Variants in KCNC2 observed in about 807,000 individuals in gnomAD.
KCNC2 encodes voltage-gated potassium channel KCNC2.
Under a neutral mutation model 44.5 loss-of-function variants are expected in KCNC2, and 21 were observed. The ratio of observed to expected loss-of-function variants is 0.47; its 90% CI spans 0.33 to 0.68. The LOEUF is 0.68. Among genes scored for constraint, KCNC2 ranks in the 30% least tolerant of loss-of-function variants. KCNC2 has a pLI of 0.01. For missense variants in KCNC2, 589 were observed against 826.2 expected (o/e 0.71, Z 3.52); for synonymous variants, 391 against 339.1 (o/e 1.15, Z -1.68).
chr12:75,080,693 A>C (rs1466797295), intron 2 of KCNC2, among the ~76,000 whole-genome samples: 1 of 152,112 alleles, frequency 6.6e-6, no homozygotes, highest in African/African-American at 2.4e-5. Flanking sequence ...TGGCCCCTTT[A>C]GCATACAGAA....
intron 2 of KCNC2, among the ~76,000 whole-genome samples, chr12:75,153,020 G>A (rs1433996097): frequency 6.6e-6 from 1 of 151,926 alleles, no homozygotes; most frequent in Non-Finnish European, 1.5e-5. Flanking sequence ...GGGAAAAGTG[G>A]CAACAATAAA....
intron 2 of KCNC2, among the ~76,000 whole-genome samples, chr12:75,141,687 T>C (rs1889664676): frequency 6.6e-6 from 1 of 152,166 alleles, no homozygotes; most frequent in Non-Finnish European, 1.5e-5. Context: ...GTTTGAGTAA[T>C]GTTGTGGCTA....
chr12:75,050,320 C>T (rs1881027814), intron 3 of KCNC2, 70 bp downstream of exon 3: 1 of 1,102,048 alleles, frequency 9.1e-7, no homozygotes, highest in Non-Finnish European at 1.3e-6. Context: ...ATGAGAATGA[C>T]TGCCTTCTGC....
chr12:75,098,461 A>G (rs1157109168), intron 2 of KCNC2, among the ~76,000 whole-genome samples: 2 of 152,142 alleles, frequency 1.3e-5, no homozygotes, highest in Admixed American at 6.6e-5. Flanking sequence ...TTGGTCTGGT[A>G]AAAGGAATTA....
chr12:75,140,423 A>G (rs2137399904), intron 2 of KCNC2, among the ~76,000 whole-genome samples: 1 of 152,298 alleles, frequency 6.6e-6, no homozygotes, highest in South Asian at 2.1e-4. Context: ...TAAATGGCAA[A>G]GAATCATACA....
intron 2 of KCNC2, among the ~76,000 whole-genome samples, chr12:75,203,252 T>C (rs1002748499): frequency 2.0e-5 from 3 of 151,836 alleles, no homozygotes; most frequent in Non-Finnish European, 3.0e-5. Flanking sequence ...TGTTTTGTTT[T>C]GTGGCTTGGC....
In KCNC2 at chr12:75,099,780, T is replaced by G. The variant is rs551932461; in HGVS notation, c.688-48463A>C. On this transcript the variant is annotated intron_variant, in intron 2 of 4. Coordinates refer to ENST00000549446, the MANE Select transcript of KCNC2 (RefSeq NM_139137.4). The stretch of plus-strand genomic sequence containing the variant: ...ATATATTCCAAAAAAGAAAGCCACA[T>G]TTCTATGACCTATACTATTTGTCAG... Among the ~76,000 whole-genome samples, 12 of 152,266 alleles carry G rather than the reference T, an allele frequency of 7.9e-5. 1 individual carries two copies. The South Asian group carries it at 2.5e-3, about 32-fold the overall frequency.
At chr12:75,199,384 C>T (rs939394315) in intron 2 of KCNC2, among the ~76,000 whole-genome samples, 8 of 151,810 alleles carry the variant, frequency 5.3e-5, no homozygotes, top group Admixed American at 5.3e-4. Flanking sequence ...ATGTTGGTAT[C>T]ATGATCAACT....
At chr12:75,094,454 A>C (rs1317882086) in intron 2 of KCNC2, among the ~76,000 whole-genome samples, 5 of 151,730 alleles carry the variant, frequency 3.3e-5, no homozygotes, top group African/African-American at 1.2e-4. Flanking sequence ...ACACAAGTAC[A>C]TCCATTCTCA....
chr12:75,120,717 T>C (rs1887989561), intron 2 of KCNC2, among the ~76,000 whole-genome samples: 1 of 152,218 alleles, frequency 6.6e-6, no homozygotes, highest in Admixed American at 6.5e-5. Flanking sequence ...AGGCAGTTGC[T>C]GGACCTTAGT....
rs1253046226 is a variant in KCNC2, at chr12:75,048,300, T to C, written c.1633A>G (p.Ser545Gly). ...HNRSVLSGDD[S>G]TGSEPPLSPP... ...GATAGTGGCGGCTCACTTCCTGTACTGTCGTCACCTGATAACACTGGTCAC... is the reference window on the plus strand; with the variant it reads ...GATAGTGGCGGCTCACTTCCTGTACCGTCGTCACCTGATAACACTGGTCAC... The change falls in exon 4 of 5, where the codon AGT becomes GGT. Residue 545 changes from serine to glycine, a missense_variant. Ser to Gly is a moderately conservative substitution (Grantham distance 56). Coordinates refer to ENST00000549446, the MANE Select transcript of KCNC2 (RefSeq NM_139137.4). The C allele has an allele frequency of 6.2e-7, 1 of 1,611,596 alleles. No homozygotes were observed. The highest frequency in any genetic ancestry group is 1.1e-5 in the South Asian group (1 of 90,818).
chr12:75,118,051 G>T (rs1887800940), intron 2 of KCNC2, among the ~76,000 whole-genome samples: 1 of 152,116 alleles, frequency 6.6e-6, no homozygotes, highest in Admixed American at 6.5e-5. Flanking sequence ...CTTCATTTTT[G>T]TAACTCAGTC....
chr12:75,078,943 C>T (rs1884238362), intron 2 of KCNC2, among the ~76,000 whole-genome samples: 1 of 152,056 alleles, frequency 6.6e-6, no homozygotes, highest in African/African-American at 2.4e-5. Context: ...TCTAGCTGTA[C>T]CTGACTTTAA....
chr12:75,137,580 G>T (rs1035484553), intron 2 of KCNC2, among the ~76,000 whole-genome samples: 5 of 151,942 alleles, frequency 3.3e-5, no homozygotes, highest in Non-Finnish European at 5.9e-5. Context: ...TTAATATTTT[G>T]CCCCAAAATA....
rs539775215 is a variant in KCNC2 at position 75,075,828 on chromosome 12, G to T, written c.688-24511C>A. ...TCTTTTCAAGATATTGTTTTACAAT[G>T]CCTCCTTTAGAATGGACCTGAATAA... On this transcript the variant is annotated intron_variant, in intron 2 of 4. Transcript: ENST00000549446. Among the ~76,000 whole-genome samples, 16 of 152,114 alleles carry T rather than the reference G, an allele frequency of 1.1e-4. 1 individual carries two copies. In the South Asian group the frequency reaches 2.9e-3, roughly 28 times the overall value.
chr12:75,185,804 G>A (rs769236241), intron 2 of KCNC2, among the ~76,000 whole-genome samples: 1 of 151,958 alleles, frequency 6.6e-6, no homozygotes, highest in Non-Finnish European at 1.5e-5. Flanking sequence ...CCAGGATTTG[G>A]GGTGGCTGAG....
intron 2 of KCNC2, among the ~76,000 whole-genome samples, chr12:75,074,459 A>C (rs1367021858): frequency 6.6e-6 from 1 of 152,042 alleles, no homozygotes; most frequent in Non-Finnish European, 1.5e-5. Flanking sequence ...TACCTGATCA[A>C]TTCTACTTTC....
intron 2 of KCNC2, among the ~76,000 whole-genome samples, chr12:75,172,129 G>A (rs1891869414): frequency 6.6e-6 from 1 of 151,716 alleles, no homozygotes; most frequent in Non-Finnish European, 1.5e-5. Flanking sequence ...CATCTACATA[G>A]CTCATACATA....
chr12:75,056,368 T>G (rs1007072364), intron 2 of KCNC2, among the ~76,000 whole-genome samples: 17 of 152,028 alleles, frequency 1.1e-4, no homozygotes, highest in Non-Finnish European at 2.2e-4. Context: ...GTCAGAGAGA[T>G]AATTTAATAT....
Sources: allele counts gnomAD v4.1 joint callset (sites outside exome capture counted in the v4.1 genomes callset), GRCh38; gene constraint gnomAD v4.1.1; transcripts MANE v1.5; gene names NCBI Gene and HGNC (gene_info 2026-07-23, HGNC 2026-07-21).